The following KLF12 variants were observed in gnomAD, a reference collection of about 807,000 sequenced individuals.
KLF12 encodes KLF transcription factor 12.
In KLF12, 9 loss-of-function variants were observed where a neutral mutation model predicts 37.8. The ratio of observed to expected loss-of-function variants is 0.24; its 90% CI spans 0.14 to 0.42. The LOEUF (loss-of-function observed/expected upper bound fraction) is 0.42, where lower values mean the gene tolerates loss of function less well. Among genes scored for constraint, KLF12 ranks in the 10% least tolerant of loss-of-function variants. The probability of loss-of-function intolerance (pLI) is 1.00; values close to 1 mark genes in which losing one functional copy is unlikely to be tolerated. For synonymous variants in KLF12, 208 were observed against 202.1 expected (o/e 1.03, Z -0.25); for missense variants, 411 against 516.0 (o/e 0.80, Z 1.97).
the KLF12 span, among the ~76,000 whole-genome samples, chr13:74,288,205 A>G: frequency 6.6e-6 from 1 of 152,244 alleles, no homozygotes; most frequent in South Asian, 2.1e-4. Flanking sequence ...AGAAGCAAAC[A>G]GACAAACTAA....
At chr13:74,044,906 G>A (rs1893500980) in intron 1 of KLF12, among the ~76,000 whole-genome samples, 1 of 150,990 alleles carries the variant, frequency 6.6e-6, no homozygotes, top group African/African-American at 2.4e-5. Context: ...AAACAAATTG[G>A]GCAACAAAAT....
chr13:74,170,912 G>A, the KLF12 span, among the ~76,000 whole-genome samples: 1 of 152,112 alleles, frequency 6.6e-6, no homozygotes, highest in African/African-American at 2.4e-5. Context: ...TTGCAGGTGT[G>A]AGCCACCATG....
the KLF12 span, among the ~76,000 whole-genome samples, chr13:74,305,026 A>G: frequency 6.6e-6 from 1 of 152,096 alleles, no homozygotes; most frequent in Non-Finnish European, 1.5e-5. Context: ...GGGTAGTTCA[A>G]TCAGTGTAGC....
chr13:73,802,905 T>C (rs889727175), intron 5 of KLF12, among the ~76,000 whole-genome samples: 1 of 152,214 alleles, frequency 6.6e-6, no homozygotes. Flanking sequence ...ATTGGTATGA[T>C]AACCAATAGT....
intron 5 of KLF12, among the ~76,000 whole-genome samples, chr13:73,785,118 A>ATTT (rs202165551): frequency 6.9e-6 from 1 of 145,874 alleles, no homozygotes; most frequent in Non-Finnish European, 1.5e-5. Flanking sequence ...TAATTATCTA[A>ATTT]TTTTTTTTTT....
At chr13:74,120,117 CA>C (rs1877540026) in intron 1 of KLF12, among the ~76,000 whole-genome samples, 1 of 152,086 alleles carries the variant, frequency 6.6e-6, no homozygotes, top group African/African-American at 2.4e-5. Flanking sequence ...CTTCAGAAAC[CA>C]AAGCATATAG....
intron 1 of KLF12, among the ~76,000 whole-genome samples, chr13:74,102,338 A>G (rs1876401441): frequency 6.6e-6 from 1 of 152,150 alleles, no homozygotes; most frequent in Admixed American, 6.5e-5. Flanking sequence ...AACAATTACA[A>G]AGGGGAAAAT....
intron 4 of KLF12, chr13:73,844,796 G>C (rs1341453271): frequency 6.6e-6 from 1 of 152,086 alleles, no homozygotes; most frequent in Non-Finnish European, 1.5e-5. Flanking sequence ...TTAATTACAG[G>C]CCTCAGTAGT....
At chr13:73,928,644 A>C (rs1284614784) in intron 3 of KLF12, among the ~76,000 whole-genome samples, 1 of 152,222 alleles carries the variant, frequency 6.6e-6, no homozygotes, top group Non-Finnish European at 1.5e-5. Context: ...AAACATGATA[A>C]AATAATGAGA....
At chr13:73,859,758 T>C (rs1312724900) in intron 3 of KLF12, among the ~76,000 whole-genome samples, 4 of 151,984 alleles carry the variant, frequency 2.6e-5, no homozygotes, top group Non-Finnish European at 5.9e-5. Context: ...GCAGTGGTCA[T>C]GCTGTATGGG....
intron 3 of KLF12, among the ~76,000 whole-genome samples, chr13:73,896,870 T>C (rs1887792208): frequency 6.6e-6 from 1 of 152,184 alleles, no homozygotes; most frequent in African/African-American, 2.4e-5. Flanking sequence ...AGATGAGTAT[T>C]TGGAACGTTG....
chr13:73,933,879 A>AG (rs1889800141), intron 3 of KLF12, among the ~76,000 whole-genome samples: 1 of 152,032 alleles, frequency 6.6e-6, no homozygotes, highest in Admixed American at 6.6e-5. Flanking sequence ...TTACCCTCTT[A>AG]ACCATTTTTA....
At chr13:73,870,164 C>T (rs1169340288) in intron 3 of KLF12, among the ~76,000 whole-genome samples, 1 of 152,126 alleles carries the variant, frequency 6.6e-6, no homozygotes, top group Non-Finnish European at 1.5e-5. Context: ...CCCAGGTTGC[C>T]ATCACTGTGA....
rs190955753 is a variant in KLF12 at position 73,974,644 on chromosome 13, C to T, written c.33+20346G>A. Among the ~76,000 whole-genome samples, 320 of 152,224 alleles carry T rather than the reference C, an allele frequency of 2.1e-3. 2 individuals carry two copies. Among genetic ancestry groups the T allele is most frequent in the African/African-American group, 7.4e-3 (307 of 41,554 alleles). ...AAAGGATTACTTTGACACTAAAATT[C>T]TGAGAAAAAGTGTGATCCGATTACT... On this transcript the variant is annotated intron_variant, in intron 2 of 7. Coordinates refer to ENST00000377669, the MANE Select transcript of KLF12 (RefSeq NM_007249.5).
chr13:74,159,097 AGATC>A, the KLF12 span, among the ~76,000 whole-genome samples: 1 of 152,182 alleles, frequency 6.6e-6, no homozygotes, highest in African/African-American at 2.4e-5. Context: ...GGCAGAGCTA[AGATC>A]AGAACCCAGA....
At chr13:74,152,711 T>C in the KLF12 span, among the ~76,000 whole-genome samples, 2 of 151,716 alleles carry the variant, frequency 1.3e-5, no homozygotes, top group African/African-American at 4.8e-5. Flanking sequence ...GGTGAAACCC[T>C]GTCTCTAAAA....
the KLF12 span, among the ~76,000 whole-genome samples, chr13:74,225,596 A>C: frequency 6.6e-6 from 1 of 152,134 alleles, no homozygotes; most frequent in Admixed American, 6.6e-5. Flanking sequence ...TACCAGGCTA[A>C]TTAGAGACAT....
chr13:74,155,196 G>A, the KLF12 span, among the ~76,000 whole-genome samples: 3 of 152,158 alleles, frequency 2.0e-5, no homozygotes. Context: ...TTCTTTGCAT[G>A]AATGTTCCTT....
chr13:73,761,942 C>A (rs1190144105), intron 6 of KLF12, among the ~76,000 whole-genome samples: 1 of 152,158 alleles, frequency 6.6e-6, no homozygotes, highest in South Asian at 2.1e-4. Flanking sequence ...ATCTTCAAAT[C>A]AGTAAATGTT....
Sources: gnomAD v4.1 joint callset for allele counts (sites outside exome capture counted in the v4.1 genomes callset) on GRCh38, gnomAD v4.1.1 for gene constraint, MANE v1.5 for transcripts, NCBI Gene and HGNC (gene_info 2026-07-23, HGNC 2026-07-21) for gene names.